The following CPED1 variants were observed in gnomAD, a reference collection of about 807,000 sequenced individuals.
The protein encoded by CPED1 is cadherin-like and PC-esterase domain-containing protein 1.
A neutral mutation model predicts 128.2 loss-of-function variants in CPED1; 114 were observed. That is an observed-to-expected ratio of 0.89 (90% CI 0.76 to 1.04). The LOEUF (loss-of-function observed/expected upper bound fraction) is 1.04, where lower values mean the gene tolerates loss of function less well. CPED1 is among the 50% of genes least tolerant of loss of function. The probability of loss-of-function intolerance (pLI) is 0.00; values close to 1 mark genes in which losing one functional copy is unlikely to be tolerated. For missense variants in CPED1, 1,211 were observed against 1,207.1 expected (o/e 1.00, Z -0.05); for synonymous variants, 462 against 426.7 (o/e 1.08, Z -1.02).
chr7:121,009,044 G>A (rs1369834437), intron 2 of CPED1, among the ~76,000 whole-genome samples: 6 of 152,048 alleles, frequency 3.9e-5, no homozygotes, highest in Non-Finnish European at 5.9e-5. Context: ...TGTTTCCACA[G>A]CATGCTATGC....
chr7:121,284,302 T>G (rs1368615536), intron 22 of CPED1, among the ~76,000 whole-genome samples: 1 of 152,180 alleles, frequency 6.6e-6, no homozygotes, highest in Admixed American at 6.5e-5. Flanking sequence ...GTGTGGATTA[T>G]GGGAACTAAA....
intron 16 of CPED1, among the ~76,000 whole-genome samples, chr7:121,158,949 A>G (rs1259587407): frequency 6.6e-6 from 1 of 152,178 alleles, no homozygotes; most frequent in Non-Finnish European, 1.5e-5. Context: ...TTTTAATGCC[A>G]TTATCCAGTT....
At chr7:121,078,588 C>A (rs1794198989) in intron 5 of CPED1, among the ~76,000 whole-genome samples, 1 of 149,946 alleles carries the variant, frequency 6.7e-6, no homozygotes, top group Admixed American at 6.7e-5. Context: ...TGCATATATC[C>A]TAACTATTTC....
At chr7:121,126,860 G>A (rs1421773531) in intron 9 of CPED1, among the ~76,000 whole-genome samples, 1 of 151,924 alleles carries the variant, frequency 6.6e-6, no homozygotes, top group Non-Finnish European at 1.5e-5. Context: ...AAACTAATGT[G>A]ACTTTATATT....
At chr7:121,280,072 A>T (rs1304297784) in intron 22 of CPED1, among the ~76,000 whole-genome samples, 1 of 152,206 alleles carries the variant, frequency 6.6e-6, no homozygotes, top group Non-Finnish European at 1.5e-5. Flanking sequence ...TGTAACATTT[A>T]GTGCCTTAAT....
intron 12 of CPED1, among the ~76,000 whole-genome samples, chr7:121,133,310 G>A (rs1228406433): frequency 6.6e-6 from 1 of 152,108 alleles, no homozygotes; most frequent in Non-Finnish European, 1.5e-5. Flanking sequence ...AGAAAATTAG[G>A]TGAACACACC....
chr7:121,125,766 A>C (rs1795488029), intron 8 of CPED1, 54 bp from the exon 9 acceptor site: 22 of 1,318,486 alleles, frequency 1.7e-5, no homozygotes, highest in Non-Finnish European at 2.3e-5. Context: ...TGCATTAATA[A>C]ACATCCATGT....
chr7:121,124,229 A>C, intron 7 of CPED1, 102 bp from the exon 8 acceptor site: 1 of 1,049,986 alleles, frequency 9.5e-7, no homozygotes. Context: ...GGGTGTGACA[A>C]GTAGAGATAA....
At chr7:121,001,184 C>G (rs959202044) in intron 2 of CPED1, among the ~76,000 whole-genome samples, 29 of 152,272 alleles carry the variant, frequency 1.9e-4, no homozygotes, top group African/African-American at 6.7e-4. Flanking sequence ...CCTATAGATA[C>G]AGTCAAATGC....
chr7:121,112,503 A>G (rs1203353481), intron 7 of CPED1, among the ~76,000 whole-genome samples: 2 of 152,088 alleles, frequency 1.3e-5, no homozygotes. Context: ...GGAAAGAGGC[A>G]ACGAATGAAT....
chr7:121,083,186 C>G (rs1223612068), intron 5 of CPED1, among the ~76,000 whole-genome samples: 1 of 152,128 alleles, frequency 6.6e-6, no homozygotes, highest in Admixed American at 6.5e-5. Context: ...AGACTCAGCT[C>G]TGCAAACCAT....
At chr7:121,112,731 G>T (rs1245143586) in intron 7 of CPED1, among the ~76,000 whole-genome samples, 1 of 152,154 alleles carries the variant, frequency 6.6e-6, no homozygotes, top group Non-Finnish European at 1.5e-5. Flanking sequence ...CAAGATTAAA[G>T]GGGTGAAAAA....
chr7:121,273,016 A>AT (rs139552274), intron 22 of CPED1, among the ~76,000 whole-genome samples: 45 of 151,336 alleles, frequency 3.0e-4, no homozygotes, highest in African/African-American at 7.8e-4. Flanking sequence ...TTGGAATATG[A>AT]TTTTTTTTTG....
At chr7:121,101,606 G>T (rs1042648792) in intron 7 of CPED1, among the ~76,000 whole-genome samples, 1 of 152,098 alleles carries the variant, frequency 6.6e-6, no homozygotes, top group South Asian at 2.1e-4. Flanking sequence ...AAAGGAACAC[G>T]TGAGGCTGGG....
intron 16 of CPED1, among the ~76,000 whole-genome samples, chr7:121,200,332 A>G (rs940518): frequency 0.98 from 149,764 of 152,202 alleles, 73,727 homozygotes; most frequent in Middle Eastern, 1. Context: ...AAAACCTCAG[A>G]TGTGTCAATG....
Position 121,153,332 on chromosome 7 carries a change from A to C in CPED1, c.2055+11191A>C, listed in dbSNP as rs546891050. ...TACATGATTTCAACCAAAACTGCTA[A>C]ACTCTTCCTCACTTTTTTGAAATCA... On this transcript the variant is annotated intron_variant, in intron 16 of 22. Coordinates refer to ENST00000310396, the MANE Select transcript of CPED1 (RefSeq NM_024913.5). Among the ~76,000 whole-genome samples the C allele has an allele frequency of 2.2e-4, 34 of 152,322 alleles. 1 individual carries two copies. In the South Asian group the frequency reaches 6.6e-3, roughly 30 times the overall value.
intron 16 of CPED1, among the ~76,000 whole-genome samples, chr7:121,191,410 A>G (rs1797138181): frequency 6.6e-6 from 1 of 152,172 alleles, no homozygotes; most frequent in Non-Finnish European, 1.5e-5. Flanking sequence ...AGTACAAGAC[A>G]GGCTGAGGAG....
In CPED1 at chr7:121,291,596, CTGTT is replaced by C. The variant is rs750979681; in HGVS notation, c.2869-3840_2869-3837del. Reference sequence around the variant, plus strand: ...AGGAGTTCACTCATGATTTAGCACTCTGTTTGTCTATAATTGGTGTATAGGAATG... The same window carrying C: ...AGGAGTTCACTCATGATTTAGCACTCTGTCTATAATTGGTGTATAGGAATG... On this transcript the variant is annotated intron_variant, in intron 22 of 22. Transcript: ENST00000310396. 2.6e-4 allele frequency among the ~76,000 whole-genome samples: 39 copies of C among 152,106 alleles called. 1 individual carries two copies. Among genetic ancestry groups the C allele is most frequent in the African/African-American group, 7.5e-4 (31 of 41,424 alleles).
At position 121,290,881 on chromosome 7, in the gene CPED1, C is replaced by T. The variant is rs189008324; in HGVS notation, c.2869-4559C>T. 4.8e-3 allele frequency among the ~76,000 whole-genome samples: 727 copies of T among 152,228 alleles called. 9 individuals carry two copies. The highest frequency in any genetic ancestry group is 0.016 in the African/African-American group (671 of 41,520). ...TTTATTCATGAAGTCTTTGCCCATG[C>T]CTATGTCCTGAATGGTATTGCCTAG... On this transcript the variant is annotated intron_variant, in intron 22 of 22. Transcript: ENST00000310396.
Sources: gnomAD v4.1 joint callset for allele counts (sites outside exome capture counted in the v4.1 genomes callset) on GRCh38, gnomAD v4.1.1 for gene constraint, MANE v1.5 for transcripts, NCBI Gene and HGNC (gene_info 2026-07-23, HGNC 2026-07-21) for gene names.